Variants in CIAO3 observed in about 807,000 individuals in gnomAD.
CIAO3 encodes the protein cytosolic iron-sulfur assembly component 3.
In CIAO3, 45 loss-of-function variants were observed where a neutral mutation model predicts 51.5. The ratio of observed to expected loss-of-function variants is 0.87; its 90% CI spans 0.69 to 1.12. CIAO3 has a LOEUF of 1.12. Ranked by LOEUF, CIAO3 falls within the 50% of genes most tolerant of loss-of-function variation. CIAO3 has a pLI of 0.00. For missense variants in CIAO3, 668 were observed against 632.5 expected, an observed-to-expected ratio of 1.06 and a Z score of -0.60; for synonymous variants, 314 against 269.3, an observed-to-expected ratio of 1.17 and a Z score of -1.63.
intron 7 of CIAO3, 98 bp downstream of exon 7, chr16:733,200 C>A: frequency 1.3e-6 from 2 of 1,482,184 alleles, no homozygotes; most frequent in Non-Finnish European, 1.8e-6. Flanking sequence ...CAGCCAGGGC[C>A]CCCACAGGCA....
At position 737,903 on chromosome 16, in the gene CIAO3, G is replaced by A. The variant is rs1036102259; in HGVS notation, c.163-574C>T. 12 of 1,180,870 alleles carry A rather than the reference G, an allele frequency of 1.0e-5. No homozygotes were observed. The highest frequency in any genetic ancestry group is 1.3e-5 in the Non-Finnish European group (12 of 937,876). The allele number at this position is 1,180,870 out of a possible 1,614,324, so 73.1% of individuals were successfully genotyped here. A position where few individuals can be genotyped will look rare whatever the true frequency, so the allele number is the denominator to read the frequency against. On this transcript the variant is annotated intron_variant, in intron 2 of 10. Transcript: ENST00000251588. This position sits in a 1 kb window ranked among gnomAD's most constrained non-coding sequence, Gnocchi z 5.3. ...CAGCAACTTTTCTTACATGCAAAAC[G>A]CACCCAGCTCGAGCTCCCCCAACTT...
chr16:731,876 T>G (rs1263638242), intron 8 of CIAO3, 174 bp from the exon 9 acceptor site: 3 of 563,288 alleles, frequency 5.3e-6, no homozygotes, highest in Non-Finnish European at 7.7e-6. Flanking sequence ...CCACTTCTTG[T>G]TTTTTTTTTT....
chr16:740,409 T>C (rs57144370), intron 1 of CIAO3: 16,810 of 316,714 alleles, frequency 0.053, 2,337 homozygotes, highest in African/African-American at 0.31. Flanking sequence ...GGGCCGCCCC[T>C]ACTGCCCTCA....
chr16:733,691 C>A, intron 6 of CIAO3: 1 of 491,326 alleles, frequency 2.0e-6, no homozygotes. Flanking sequence ...GTGGCCTTCC[C>A]ACGGCTCGGG....
At chr16:731,901 C>T in intron 8 of CIAO3, 199 bp from the exon 9 acceptor site, 2 of 706,378 alleles carry the variant, frequency 2.8e-6, no homozygotes, top group East Asian at 2.9e-5. Context: ...CGGAGTCTTG[C>T]TCTGTCGCCC....
rs1567342779 is a variant in CIAO3 at position 730,845 on chromosome 16, G to A, written c.1190C>T (p.Ser397Leu). Residue 397 changes from serine to leucine, a missense_variant and splice_region_variant, in exon 10 of 11, where the codon TCA becomes TTA. Coordinates refer to ENST00000251588, the MANE Select transcript of CIAO3 (RefSeq NM_022493.3). ...YHYVEVMACP[S>L]GCLNGGGQLQ... ...GTCCTGTCCCTTGCAGGAGCTACCT[G>A]AGGGGCAGGCCATGACCTCCACGTA... is the stretch of plus-strand genomic sequence containing the variant. 1.2e-6 allele frequency: 2 copies of A among 1,612,612 alleles called. No homozygotes were observed. The highest frequency in any genetic ancestry group is 1.7e-6 in the Non-Finnish European group (2 of 1,179,950).
At position 734,790 on chromosome 16, in the gene CIAO3, C is replaced by A; in HGVS notation, c.521G>T (p.Arg174Leu). 1 of 1,608,554 alleles carries A rather than the reference C, an allele frequency of 6.2e-7. No individual in the cohort carries two copies. Among genetic ancestry groups the A allele is most frequent in the Admixed American group, 1.7e-5 (1 of 59,862 alleles). ...ESQREFVRRF[R>L]GQADCRQALP... ...CGCCTGTCTGCAGTCGGCCTGTCCT[C>A]GGAATCGCCGCACAAACTCTCGCTG... Residue 174 changes from arginine (R) to leucine (L), a missense_variant, in exon 5 of 11, where the codon CGA becomes CTA. Coordinates refer to ENST00000251588, the MANE Select transcript of CIAO3 (RefSeq NM_022493.3).
At chr16:736,969 G>A (rs2041345592) in intron 3 of CIAO3, 1 of 609,308 alleles carries the variant, frequency 1.6e-6, no homozygotes, top group South Asian at 2.0e-5. Flanking sequence ...CAGTAGGGGT[G>A]TCATTTTGAT....
chr16:740,075 C>T (rs778341360), intron 1 of CIAO3: 2 of 1,357,984 alleles, frequency 1.5e-6, no homozygotes, highest in Non-Finnish European at 1.9e-6. Flanking sequence ...CAGAGTTGCA[C>T]TGCCCATCGA....
rs554444810 is a variant in CIAO3, at chr16:739,342, A to T, written c.162+301T>A. On this transcript the variant is annotated intron_variant, in intron 2 of 10. Coordinates refer to ENST00000251588, the MANE Select transcript of CIAO3 (RefSeq NM_022493.3). Reference sequence around the variant, plus strand: ...ACAAACAAAAGAACGAGGGGTCTGAATTAGAAAATCTTACATGGTTAGAAC... The same window carrying T: ...ACAAACAAAAGAACGAGGGGTCTGATTTAGAAAATCTTACATGGTTAGAAC... The T allele has an allele frequency of 7.3e-6, 3 of 412,340 alleles. No homozygotes were observed. In the South Asian group the frequency reaches 7.9e-5, roughly 11 times the overall value. The allele number at this position is 412,340 out of a possible 1,614,324, so 25.5% of individuals were successfully genotyped here. A position where few individuals can be genotyped will look rare whatever the true frequency, so the allele number is the denominator to read the frequency against.
Position 737,298 on chromosome 16 carries a change from T to C in CIAO3, c.194A>G (p.Lys65Arg), listed in dbSNP as rs2041349153. 6.2e-7 allele frequency: 1 copy of C among 1,613,218 alleles called. No homozygotes were observed. The highest frequency in any genetic ancestry group is 8.5e-7 in the Non-Finnish European group (1 of 1,180,014). Residue 65 changes from lysine to arginine, a missense_variant, in exon 3 of 11, where the codon AAG (lysine) becomes AGG (arginine). Transcript: ENST00000251588. This position sits in a 1 kb window ranked among gnomAD's most constrained non-coding sequence, Gnocchi z 5.3. The stretch of plus-strand genomic sequence containing the variant: ...CGCCAGGCAGTCGTTTAGCGAGACC[T>C]TGGCCTTCTCCAGCCTCCGGGTCCC... ...DGGTRRLEKA[K>R]VSLNDCLACS...
At chr16:735,001 C>T (rs2041324085) in intron 4 of CIAO3, 130 bp from the exon 5 acceptor site, 1 of 1,302,540 alleles carries the variant, frequency 7.7e-7, no homozygotes, top group Non-Finnish European at 1.0e-6. Flanking sequence ...AAAGCCCCGG[C>T]CCCACCGTGG....
Position 740,272 on chromosome 16 carries a change from G to C in CIAO3, c.67-534C>G, listed in dbSNP as rs1380042852. 4 of 394,628 alleles carry C rather than the reference G, an allele frequency of 1.0e-5. No individual in the cohort carries two copies. In the East Asian group the frequency reaches 2.9e-4, roughly 29 times the overall value. 24.4% of individuals were successfully genotyped at this position (394,628 alleles called of 1,614,324 possible). ...TCAGCTCTGGCCCCGCGGGGCTGTT[G>C]GACATGGACAGGCAGGTGCACCCAG... On this transcript the variant is annotated intron_variant, in intron 1 of 10. Transcript: ENST00000251588.
Position 734,859 on chromosome 16 carries a change from A to G in CIAO3, c.452T>C (p.Val151Ala). 6.4e-7 allele frequency: 1 copy of G among 1,564,562 alleles called. No individual in the cohort carries two copies. The highest frequency in any genetic ancestry group is 8.7e-7 in the Non-Finnish European group (1 of 1,151,120). Residue 151 changes from valine to alanine, a missense_variant, in exon 5 of 11, where the codon GTC becomes GCC. Coordinates refer to ENST00000251588, the MANE Select transcript of CIAO3 (RefSeq NM_022493.3). The part of the protein sequence containing the change: ...SFFKKIGVHF[V>A]FDTAFSRHFS... ...GTGCCTTGAGAAGGCGGTGTCGAAG[A>G]CGAAGTGCACCCCTGGAAGGTGAAG...
At chr16:739,860 C>T (rs2041374285) in intron 1 of CIAO3, 122 bp from the exon 2 acceptor site, 2 of 1,254,086 alleles carry the variant, frequency 1.6e-6, no homozygotes, top group East Asian at 2.3e-5. Context: ...GCCATGCACT[C>T]AGGGACTGAG....
chr16:737,432 C>G lies in CIAO3; in HGVS notation c.163-103G>C. 6.3e-7 allele frequency: 1 copy of G among 1,584,264 alleles called. No homozygotes were observed. Among genetic ancestry groups the G allele is most frequent in the Middle Eastern group, 1.8e-4 (1 of 5,508 alleles). ...TCATAACCGACAACCAACATGGCTG[C>G]TGGCTGGGCTTGTGTGCCGCTGAAT... On this transcript the variant is annotated intron_variant, in intron 2 of 10. Transcript: ENST00000251588. The surrounding 1 kb of genome is among the most constrained non-coding windows in gnomAD (Gnocchi z 5.3).
At chr16:731,338 G>T in intron 9 of CIAO3, 1 of 647,522 alleles carries the variant, frequency 1.5e-6, no homozygotes, top group Non-Finnish European at 2.5e-6. Flanking sequence ...TCGGGCTCAG[G>T]GTCACCATCC....
At chr16:732,547 GGA>G (rs1567343715) in intron 7 of CIAO3, 174 bp from the exon 8 acceptor site, 1 of 739,048 alleles carries the variant, frequency 1.4e-6, no homozygotes, top group Non-Finnish European at 2.4e-6. Context: ...AAGCCCCTCT[GGA>G]GGCTGCCTGG....
At chr16:738,474 G>A (rs1356743427) in intron 2 of CIAO3, 44 of 368,570 alleles carry the variant, frequency 1.2e-4, no homozygotes, top group African/African-American at 2.5e-4. Flanking sequence ...TCAGCTTCCC[G>A]GTAGCTGGGA....
Sources: gnomAD v4.1 joint callset for allele counts on GRCh38, gnomAD v4.1.1 for gene constraint, Gnocchi (gnomAD v3.1) non-coding constraint, MANE v1.5 for transcripts, NCBI Gene and HGNC (gene_info 2026-07-23, HGNC 2026-07-21) for gene names.